SEMA4D: variants seen among roughly 807,000 people sequenced by gnomAD.
SEMA4D encodes semaphorin-4D.
Under a neutral mutation model 74.8 loss-of-function variants are expected in SEMA4D, and 22 were observed. The ratio of observed to expected loss-of-function variants is 0.29; its 90% CI spans 0.21 to 0.42. The LOEUF is 0.42. SEMA4D is among the 10% of genes least tolerant of loss of function. SEMA4D has a pLI of 1.00. For missense variants in SEMA4D, 937 were observed against 1,118.4 expected (o/e 0.84, Z 2.31); for synonymous variants, 445 against 463.7 (o/e 0.96, Z 0.52).
intron 2 of SEMA4D, among the ~76,000 whole-genome samples, chr9:89,428,715 C>G (rs1271122023): frequency 6.6e-6 from 1 of 152,268 alleles, no homozygotes; most frequent in Non-Finnish European, 1.5e-5. Flanking sequence ...GCCCCACCTA[C>G]AGGACCATGG....
intron 2 of SEMA4D, among the ~76,000 whole-genome samples, chr9:89,428,972 A>C (rs78428239): frequency 7.0e-4 from 106 of 152,316 alleles, no homozygotes; most frequent in African/African-American, 2.5e-3. Context: ...GAGGTCCAGA[A>C]GACAGACAGG....
At chr9:89,399,595 C>G (rs1384609746) in intron 4 of SEMA4D, among the ~76,000 whole-genome samples, 1 of 152,178 alleles carries the variant, frequency 6.6e-6, no homozygotes, top group Non-Finnish European at 1.5e-5. Flanking sequence ...CACCATAAAA[C>G]AGCAGCAAAA....
At chr9:89,488,689 C>G (rs1825393995) in intron 1 of SEMA4D, among the ~76,000 whole-genome samples, 1 of 152,050 alleles carries the variant, frequency 6.6e-6, no homozygotes, top group Non-Finnish European at 1.5e-5. Flanking sequence ...GATCTCAGAT[C>G]TAAACATAAA....
At chr9:89,449,470 G>C in intron 2 of SEMA4D, 3 of 693,938 alleles carry the variant, frequency 4.3e-6, no homozygotes, top group Non-Finnish European at 8.0e-6. Context: ...CTCGAGGATC[G>C]AGGGAGCTCT....
At chr9:89,403,839 C>T (rs779291654) in intron 3 of SEMA4D, among the ~76,000 whole-genome samples, 17 of 152,248 alleles carry the variant, frequency 1.1e-4, no homozygotes, top group East Asian at 7.7e-4. Flanking sequence ...CAAGGTGGGA[C>T]GACTGCTTGT....
At chr9:89,458,620 CA>C (rs1856518807) in intron 1 of SEMA4D, among the ~76,000 whole-genome samples, 1 of 152,084 alleles carries the variant, frequency 6.6e-6, no homozygotes, top group Non-Finnish European at 1.5e-5. Context: ...ACACCACACC[CA>C]CATACCCATG....
chr9:89,410,236 G>A (rs1280770350), intron 2 of SEMA4D, among the ~76,000 whole-genome samples: 1 of 152,214 alleles, frequency 6.6e-6, no homozygotes, highest in Non-Finnish European at 1.5e-5. Context: ...GATACAAGAG[G>A]CGAGTAACTG....
At chr9:89,472,644 A>G (rs1860679619) in intron 1 of SEMA4D, 1 of 178,362 alleles carries the variant, frequency 5.6e-6, no homozygotes, top group African/African-American at 2.4e-5. Flanking sequence ...AATGATGTCT[A>G]TGGAATATAT....
At chr9:89,451,291 TGTCA>T (rs1435867307) in intron 2 of SEMA4D, among the ~76,000 whole-genome samples, 1 of 152,250 alleles carries the variant, frequency 6.6e-6, no homozygotes, top group Non-Finnish European at 1.5e-5. Flanking sequence ...TGATTCAGGC[TGTCA>T]GTCAGGCCCC....
At chr9:89,397,570 C>A (rs1179098254) in intron 5 of SEMA4D, among the ~76,000 whole-genome samples, 1 of 152,226 alleles carries the variant, frequency 6.6e-6, no homozygotes, top group Non-Finnish European at 1.5e-5. Flanking sequence ...GTTACATGTG[C>A]TATAGTCTGA....
At chr9:89,362,480 C>T in intron 18 of SEMA4D, 1 of 1,613,900 alleles carries the variant, frequency 6.2e-7, no homozygotes. Flanking sequence ...TGGGCCTTTC[C>T]TGCTCTGCAG....
chr9:89,426,107 T>C (rs2134403944), intron 2 of SEMA4D, among the ~76,000 whole-genome samples: 1 of 152,240 alleles, frequency 6.6e-6, no homozygotes, highest in African/African-American at 2.4e-5. Context: ...CGCATGCAGT[T>C]TCTCCAGGGG....
At chr9:89,466,121 G>A (rs1002481885) in intron 1 of SEMA4D, among the ~76,000 whole-genome samples, 1 of 152,120 alleles carries the variant, frequency 6.6e-6, no homozygotes, top group Non-Finnish European at 1.5e-5. Flanking sequence ...TGCACGCCAG[G>A]CAGTTTGCAG....
rs1491451024 is a variant in SEMA4D, at chr9:89,450,660, G to GGGAAAAAAAAAAAAAAAAA, written c.-244+5227_-244+5228insTTTTTTTTTTTTTTTTTCC. 9.3e-6 allele frequency: 4 copies of GGGAAAAAAAAAAAAAAAAA among 430,476 alleles called. 1 individual carries two copies. Among genetic ancestry groups the GGGAAAAAAAAAAAAAAAAA allele is most frequent in the African/African-American group, 1.1e-4 (2 of 18,134 alleles). The allele number at this position is 430,476 out of a possible 1,614,324, so 26.7% of individuals were successfully genotyped here. On this transcript the variant is annotated intron_variant, in intron 2 of 15. Coordinates refer to ENST00000422704, the MANE Select transcript of SEMA4D (RefSeq NM_001371194.2). ...GAGTTCTGCAAGTCGAAAAACCCAG[G>GGGAAAAAAAAAAAAAAAAA]AAAAAAAAAAAAAAAAAAAAAAAAA...
At chr9:89,488,336 G>A (rs1024155016) in intron 1 of SEMA4D, among the ~76,000 whole-genome samples, 7 of 135,408 alleles carry the variant, frequency 5.2e-5, no homozygotes, top group South Asian at 5.1e-4. Flanking sequence ...AAATTAACTC[G>A]AAATGGATCA....
intron 2 of SEMA4D, among the ~76,000 whole-genome samples, chr9:89,438,964 CTTTTTTTTTTTTTTTTTTTTT>C (rs57394947): frequency 5.2e-5 from 2 of 38,214 alleles, no homozygotes; most frequent in South Asian, 1.3e-3. Context: ...CGCACCGGGC[CTTTTTTTTTTTTTTTTTTTTT>C]TTTTTTTTTT....
rs374839772 is a variant in SEMA4D at position 89,389,078 on chromosome 9, C to G, written c.775-31G>C. On this transcript the variant is annotated intron_variant, in intron 9 of 15. Transcript: ENST00000422704. ...ACCCCAACAAGAAGACGTGGTGGGC[C>G]GAGAGTGGATCCCCTGTGAGCAAGC... The G allele has an allele frequency of 6.6e-5, 106 of 1,611,898 alleles. 1 individual carries two copies. The African/African-American group carries it at 1.1e-3, about 16-fold the overall frequency.
At chr9:89,434,515 T>C (rs956594409) in intron 2 of SEMA4D, among the ~76,000 whole-genome samples, 6 of 152,224 alleles carry the variant, frequency 3.9e-5, no homozygotes, top group African/African-American at 1.4e-4. Flanking sequence ...AGAAACAGCA[T>C]CTAAGAGAGT....
At chr9:89,425,328 A>T (rs1847869686) in intron 2 of SEMA4D, among the ~76,000 whole-genome samples, 1 of 152,214 alleles carries the variant, frequency 6.6e-6, no homozygotes, top group African/African-American at 2.4e-5. Flanking sequence ...CTCTGGGAAC[A>T]GATGCCTCCC....
Sources: allele counts gnomAD v4.1 joint callset (sites outside exome capture counted in the v4.1 genomes callset), GRCh38; gene constraint gnomAD v4.1.1; transcripts MANE v1.5; gene names NCBI Gene and HGNC (gene_info 2026-07-23, HGNC 2026-07-21).